HERC3: variants seen among roughly 807,000 people sequenced by gnomAD.
HERC3 encodes probable E3 ubiquitin-protein ligase HERC3.
A neutral mutation model predicts 129.9 loss-of-function variants in HERC3; 58 were observed. The observed-to-expected ratio is 0.45, with a 90% CI of 0.36 to 0.56. The LOEUF (loss-of-function observed/expected upper bound fraction) is 0.56. Among genes scored for constraint, HERC3 ranks in the 20% least tolerant of loss-of-function variants. HERC3 has a pLI of 0.00. For synonymous variants in HERC3, 430 were observed against 451.0 expected, an observed-to-expected ratio of 0.95 and a Z score of 0.59; for missense variants, 835 against 1,244.2, an observed-to-expected ratio of 0.67 and a Z score of 4.95.
At chr4:88,616,298 C>A (rs527339022) in intron 3 of HERC3, among the ~76,000 whole-genome samples, 1 of 152,286 alleles carries the variant, frequency 6.6e-6, no homozygotes, top group South Asian at 2.1e-4. Flanking sequence ...TCTCTCTATG[C>A]AATTGTTACC....
At chr4:88,629,368 A>G (rs963921242) in intron 3 of HERC3, among the ~76,000 whole-genome samples, 1 of 152,208 alleles carries the variant, frequency 6.6e-6, no homozygotes, top group Non-Finnish European at 1.5e-5. Context: ...AAATGAGGTC[A>G]TATCAGAAGT....
At chr4:88,639,166 C>G (rs1727789029) in intron 3 of HERC3, among the ~76,000 whole-genome samples, 1 of 152,076 alleles carries the variant, frequency 6.6e-6, no homozygotes, top group African/African-American at 2.4e-5. Flanking sequence ...GTCATACTGC[C>G]CAAAGTAATT....
chr4:88,532,344 C>T, the HERC3 span, among the ~76,000 whole-genome samples: 1 of 152,154 alleles, frequency 6.6e-6, no homozygotes, highest in Non-Finnish European at 1.5e-5. Flanking sequence ...CTGAGAACCA[C>T]GGGAGCCAAC....
rs112392731 is a variant in HERC3, at chr4:88,628,434, GT to G, written c.227-21397del. On this transcript the variant is annotated intron_variant, in intron 3 of 25. Coordinates refer to ENST00000402738, the MANE Select transcript of HERC3 (RefSeq NM_014606.3). ...TTTTTCTACCTTTTATTTACAGTGGGTTTTTTTTTAAAAGGCAGCATATAGT... is the reference window on the plus strand; with the variant it reads ...TTTTTCTACCTTTTATTTACAGTGGGTTTTTTTTAAAAGGCAGCATATAGT... Among the ~76,000 whole-genome samples the G allele has an allele frequency of 4.0e-3, 605 of 151,052 alleles. 6 individuals carry two copies. The highest frequency in any genetic ancestry group is 0.013 in the African/African-American group (537 of 41,170).
At chr4:88,535,005 A>G in the HERC3 span, among the ~76,000 whole-genome samples, 1 of 152,218 alleles carries the variant, frequency 6.6e-6, no homozygotes, top group Non-Finnish European at 1.5e-5. Context: ...GAGAGTCAGG[A>G]ATTTGACAAC....
intron 23 of HERC3, chr4:88,693,184 CCT>C: frequency 2.0e-6 from 2 of 983,076 alleles, no homozygotes; most frequent in Non-Finnish European, 2.4e-6. Flanking sequence ...CTTTTTTATT[CCT>C]CTTTTTTCTC....
At chr4:88,659,626 A>T (rs1387096828) in intron 10 of HERC3, among the ~76,000 whole-genome samples, 1 of 152,218 alleles carries the variant, frequency 6.6e-6, no homozygotes, top group Non-Finnish European at 1.5e-5. Context: ...AGAAATCCTG[A>T]GGAAGCTGAG....
intron 3 of HERC3, among the ~76,000 whole-genome samples, chr4:88,608,492 T>C (rs918896692): frequency 1.3e-5 from 2 of 150,742 alleles, no homozygotes; most frequent in African/African-American, 4.8e-5. Context: ...ATTATTCTGT[T>C]GTTTACTAAA....
At chr4:88,635,905 C>T (rs542136332) in intron 3 of HERC3, among the ~76,000 whole-genome samples, 6 of 152,258 alleles carry the variant, frequency 3.9e-5, no homozygotes, top group African/African-American at 1.4e-4. Context: ...AATTAAGCTT[C>T]ATAAGCTAAG....
At chr4:88,591,779 G>A (rs894484361), upstream of HERC3, among the ~76,000 whole-genome samples, 2 of 152,136 alleles carry the variant, frequency 1.3e-5, no homozygotes, top group African/African-American at 4.8e-5. Flanking sequence ...CTGGGTATAG[G>A]CCACAGAGTG....
intron 8 of HERC3, 140 bp from the exon 9 acceptor site, chr4:88,655,735 A>C: frequency 1.3e-6 from 1 of 766,622 alleles, no homozygotes; most frequent in African/African-American, 1.7e-5. Flanking sequence ...CAGCCGCTGC[A>C]AGAAGAGTCA....
intron 1 of HERC3, among the ~76,000 whole-genome samples, chr4:88,593,719 T>G (rs1722013982): frequency 6.6e-6 from 1 of 152,218 alleles, no homozygotes; most frequent in Non-Finnish European, 1.5e-5. Context: ...AGAAGCTATT[T>G]CTAGAACCTT....
the HERC3 span, among the ~76,000 whole-genome samples, chr4:88,543,684 A>G: frequency 1.3e-5 from 2 of 152,240 alleles, no homozygotes; most frequent in Non-Finnish European, 2.9e-5. Flanking sequence ...ACTTCAAACT[A>G]TACTACGAAA....
chr4:88,566,878 C>T, the HERC3 span, among the ~76,000 whole-genome samples: 1 of 152,166 alleles, frequency 6.6e-6, no homozygotes, highest in Non-Finnish European at 1.5e-5. Context: ...CAGCCTTGAC[C>T]TCCTGGGCTC....
At chr4:88,547,204 T>G in the HERC3 span, among the ~76,000 whole-genome samples, 7,959 of 152,282 alleles carry the variant, frequency 0.052, 489 homozygotes, top group East Asian at 0.28. Context: ...ATTCCAGTTC[T>G]TAATTTTTAT....
At chr4:88,601,367 A>C (rs528628902) in intron 2 of HERC3, among the ~76,000 whole-genome samples, 1 of 152,370 alleles carries the variant, frequency 6.6e-6, no homozygotes, top group South Asian at 2.1e-4. Flanking sequence ...GGTTGAAAGT[A>C]CGAGCTTCCT....
rs1044840327 is a variant in HERC3, at chr4:88,701,418, T to C, written c.2658-2680T>C. Reference sequence around the variant, plus strand: ...GTGTGGATGGTGAACATGTAAAAACTATCTGCTTGGAGGAAACCCAATAAT... The same window carrying C: ...GTGTGGATGGTGAACATGTAAAAACCATCTGCTTGGAGGAAACCCAATAAT... On this transcript the variant is annotated intron_variant, in intron 23 of 25. Coordinates refer to ENST00000402738, the MANE Select transcript of HERC3 (RefSeq NM_014606.3). Among the ~76,000 whole-genome samples, 12 of 152,334 alleles carry C rather than the reference T, an allele frequency of 7.9e-5. No homozygotes were observed. The South Asian group carries it at 1.2e-3, about 16-fold the overall frequency.
intron 3 of HERC3, among the ~76,000 whole-genome samples, chr4:88,641,660 T>C (rs903219058): frequency 3.3e-5 from 5 of 152,218 alleles, no homozygotes; most frequent in Non-Finnish European, 7.3e-5. Context: ...AGCTTTGTAA[T>C]GGAATCTGAC....
At chr4:88,654,349 CATATATATATATATATATATATATAT>C (rs869126362) in intron 7 of HERC3, among the ~76,000 whole-genome samples, 4 of 70,970 alleles carry the variant, frequency 5.6e-5, no homozygotes, top group Admixed American at 4.5e-4. Flanking sequence ...GTAGATTTTT[CATATATATATATATATATATATATAT>C]ATATATATAT....
Sources: gnomAD v4.1 joint callset for allele counts (sites outside exome capture counted in the v4.1 genomes callset) on GRCh38, gnomAD v4.1.1 for gene constraint, MANE v1.5 for transcripts, NCBI Gene and HGNC (gene_info 2026-07-23, HGNC 2026-07-21) for gene names.